HS2ST1: variants seen among roughly 807,000 people sequenced by gnomAD.
HS2ST1 encodes the protein heparan sulfate 2-O-sulfotransferase 1, also known as 2-O-sulfotransferase.
In HS2ST1, 18 loss-of-function variants were observed where a neutral mutation model predicts 42.9. The ratio of observed to expected loss-of-function variants is 0.42; its 90% CI spans 0.29 to 0.62. The LOEUF (loss-of-function observed/expected upper bound fraction) is 0.62. Ranked by LOEUF, HS2ST1 falls within the 20% of genes least tolerant of loss-of-function variation. HS2ST1 has a pLI of 0.21. For missense variants in HS2ST1, 334 were observed against 433.8 expected (o/e 0.77, Z 2.04); for synonymous variants, 146 against 152.9 (o/e 0.95, Z 0.33).
At chr1:86,954,117 C>T (rs1051655292) in intron 1 of HS2ST1, among the ~76,000 whole-genome samples, 8 of 146,172 alleles carry the variant, frequency 5.5e-5, no homozygotes, top group Non-Finnish European at 1.0e-4. Context: ...TTTGGGAGGT[C>T]GAGGCGGGCA....
intron 1 of HS2ST1, among the ~76,000 whole-genome samples, chr1:86,918,655 T>A (rs1240989759): frequency 6.6e-6 from 1 of 152,112 alleles, no homozygotes; most frequent in Non-Finnish European, 1.5e-5. Flanking sequence ...ATTTTATAAT[T>A]TAACAGATTT....
At chr1:86,980,873 C>T (rs1285233371) in intron 1 of HS2ST1, among the ~76,000 whole-genome samples, 1 of 152,110 alleles carries the variant, frequency 6.6e-6, no homozygotes, top group Non-Finnish European at 1.5e-5. Context: ...GGAAAATTCA[C>T]TATAGTTCTT....
intron 1 of HS2ST1, among the ~76,000 whole-genome samples, chr1:86,988,220 T>A (rs943748989): frequency 2.0e-4 from 31 of 152,344 alleles, no homozygotes; most frequent in African/African-American, 7.5e-4. Flanking sequence ...AGGGAAGACT[T>A]GTTATGTAAA....
rs1649855992 is a variant in HS2ST1, at chr1:87,019,468, A to T, written c.125-53466A>T. 2.0e-5 allele frequency among the ~76,000 whole-genome samples: 3 copies of T among 152,206 alleles called. No homozygotes were observed. The South Asian group carries it at 6.2e-4, about 32-fold the overall frequency. On this transcript the variant is annotated intron_variant, in intron 1 of 6. Coordinates refer to ENST00000370550, the MANE Select transcript of HS2ST1 (RefSeq NM_012262.4). ...CCTGCCCCCATCATAAACTTGAATA[A>T]ATTTGTGAAATATCTTTTTAATATT...
intron 1 of HS2ST1, among the ~76,000 whole-genome samples, chr1:87,055,924 A>G (rs563801541): frequency 6.6e-6 from 1 of 152,344 alleles, no homozygotes; most frequent in Admixed American, 6.5e-5. Context: ...GTCACAATAT[A>G]TAAAGTACAT....
chr1:87,108,185 A>G lies in HS2ST1; in HGVS notation c.*3489A>G, dbSNP rs537265086. The G allele has an allele frequency of 6.6e-6, 1 of 152,220 alleles. No homozygotes were observed. Among genetic ancestry groups the G allele is most frequent in the South Asian group, 2.1e-4 (1 of 4,822 alleles). The allele number at this position is 152,220 out of a possible 1,614,324, so 9.4% of individuals were successfully genotyped here. ...AATGATTCTTTTTTAATAAAATCAA[A>G]TAATTCTAAAAGTGCTAGAGAATTT... On this transcript the variant is annotated 3_prime_UTR_variant, in exon 7 of 7. Transcript: ENST00000370550.
intron 1 of HS2ST1, among the ~76,000 whole-genome samples, chr1:86,960,625 C>G (rs1008508697): frequency 6.6e-6 from 1 of 152,162 alleles, no homozygotes; most frequent in Non-Finnish European, 1.5e-5. Flanking sequence ...ACAAAAAAAT[C>G]TGAACCTCCT....
chr1:87,017,276 A>G (rs1335872031), intron 1 of HS2ST1, among the ~76,000 whole-genome samples: 2 of 152,076 alleles, frequency 1.3e-5, no homozygotes, highest in Non-Finnish European at 2.9e-5. Context: ...AGCTGGGACT[A>G]CAGGGATTCA....
chr1:87,091,091 A>AG (rs879924075), intron 3 of HS2ST1, among the ~76,000 whole-genome samples: 6 of 151,974 alleles, frequency 3.9e-5, no homozygotes, highest in Non-Finnish European at 7.4e-5. Flanking sequence ...ATCTGTCCCA[A>AG]GTAGAATGTT....
intron 5 of HS2ST1, among the ~76,000 whole-genome samples, chr1:87,101,982 A>C (rs1049958597): frequency 6.6e-6 from 1 of 152,182 alleles, no homozygotes; most frequent in Non-Finnish European, 1.5e-5. Flanking sequence ...GCAGAAAGTG[A>C]AGTGCGAGCA....
chr1:87,002,710 C>A (rs1035377713), intron 1 of HS2ST1, among the ~76,000 whole-genome samples: 1 of 151,770 alleles, frequency 6.6e-6, no homozygotes, highest in Non-Finnish European at 1.5e-5. Flanking sequence ...TTTTCATTGC[C>A]CTTTTGACCA....
At chr1:86,950,434 G>C (rs545600091) in intron 1 of HS2ST1, among the ~76,000 whole-genome samples, 40 of 152,300 alleles carry the variant, frequency 2.6e-4, no homozygotes, top group Non-Finnish European at 5.0e-4. Context: ...GAAATTAACT[G>C]TGTTGTGCAG....
chr1:87,016,315 A>T (rs1314524801), intron 1 of HS2ST1, among the ~76,000 whole-genome samples: 1 of 152,186 alleles, frequency 6.6e-6, no homozygotes, highest in Non-Finnish European at 1.5e-5. Context: ...CCTTGAGCTC[A>T]TTACCTCTTC....
At chr1:86,985,936 C>T (rs569348178) in intron 1 of HS2ST1, among the ~76,000 whole-genome samples, 1 of 151,806 alleles carries the variant, frequency 6.6e-6, no homozygotes, top group African/African-American at 2.4e-5. Context: ...TTTGAAAAAA[C>T]ACAAATTATT....
chr1:87,078,466 A>G (rs1473845654), intron 2 of HS2ST1, among the ~76,000 whole-genome samples: 1 of 152,216 alleles, frequency 6.6e-6, no homozygotes, highest in Non-Finnish European at 1.5e-5. Flanking sequence ...GCTTCAGGCT[A>G]GCTGCGTTTC....
chr1:87,041,311 C>T (rs77011442), intron 1 of HS2ST1, among the ~76,000 whole-genome samples: 4,030 of 149,132 alleles, frequency 0.027, 194 homozygotes, highest in African/African-American at 0.093. Flanking sequence ...TTGCTTGAGC[C>T]AGGTTTTTGA....
chr1:86,918,178 T>C (rs1452260190), intron 1 of HS2ST1, among the ~76,000 whole-genome samples: 2 of 152,158 alleles, frequency 1.3e-5, no homozygotes, highest in Non-Finnish European at 2.9e-5. Context: ...GGTGTACTCA[T>C]TGACTACTTG....
chr1:86,949,878 G>C (rs1216779808), intron 1 of HS2ST1, among the ~76,000 whole-genome samples: 5 of 152,178 alleles, frequency 3.3e-5, no homozygotes, highest in Non-Finnish European at 7.3e-5. Flanking sequence ...ATGCAGTTGT[G>C]CTTTTCAGGA....
intron 1 of HS2ST1, among the ~76,000 whole-genome samples, chr1:86,975,606 A>G (rs1335087667): frequency 1.3e-5 from 2 of 152,226 alleles, no homozygotes; most frequent in African/African-American, 4.8e-5. Flanking sequence ...AATTTTGTTG[A>G]TATCAAGATG....
Sources: gnomAD v4.1 joint callset for allele counts (sites outside exome capture counted in the v4.1 genomes callset) on GRCh38, gnomAD v4.1.1 for gene constraint, MANE v1.5 for transcripts, NCBI Gene and HGNC (gene_info 2026-07-23, HGNC 2026-07-21) for gene names.